The following LTBP1 variants were observed in gnomAD, a reference collection of about 807,000 sequenced individuals.
LTBP1 encodes the protein latent-transforming growth factor beta-binding protein 1.
A neutral mutation model predicts 207.6 loss-of-function variants in LTBP1; 129 were observed. The ratio of observed to expected loss-of-function variants is 0.62; its 90% CI spans 0.54 to 0.72. The LOEUF (loss-of-function observed/expected upper bound fraction) is 0.72, where lower values mean the gene tolerates loss of function less well. Among genes scored for constraint, LTBP1 ranks in the 30% least tolerant of loss-of-function variants. The pLI is 0.00. For missense variants in LTBP1, 2,281 were observed against 2,217.2 expected (o/e 1.03, Z -0.58); for synonymous variants, 963 against 833.7 (o/e 1.16, Z -2.67).
chr2:33,356,405 C>T (rs547589747), intron 26 of LTBP1, among the ~76,000 whole-genome samples: 4 of 152,236 alleles, frequency 2.6e-5, no homozygotes, highest in East Asian at 3.9e-4. Flanking sequence ...GTCTGCCGGG[C>T]GAGGTGACTC....
At chr2:33,128,873 T>C (rs913550056) in intron 4 of LTBP1, among the ~76,000 whole-genome samples, 2 of 152,256 alleles carry the variant, frequency 1.3e-5, no homozygotes, top group African/African-American at 4.8e-5. Context: ...TCTTCAACTC[T>C]CAGTCACAGC....
chr2:33,115,927 C>T (rs749325041), intron 4 of LTBP1, among the ~76,000 whole-genome samples: 19 of 152,088 alleles, frequency 1.2e-4, no homozygotes, highest in East Asian at 3.9e-4. Flanking sequence ...TATGTGCTGA[C>T]GTAGTAAAAA....
At chr2:33,361,611 TTTAG>T in intron 28 of LTBP1, 96 bp downstream of exon 28, 1 of 848,158 alleles carries the variant, frequency 1.2e-6, no homozygotes, top group Non-Finnish European at 1.9e-6. Flanking sequence ...TAGAGTTCTT[TTTAG>T]TCATGAAAAC....
At position 33,315,180 on chromosome 2, in the gene LTBP1, C is replaced by T. The variant is rs760890177; in HGVS notation, c.3641C>T (p.Pro1214Leu). ...TGTGAACATCCAGGGCTCTGTGGTC[C>T]GCAAGGGGAGTGCCTAAACACAGAG... Reference protein sequence around the residue: ...NECEHPGLCGPQGECLNTEGS... With the variant: ...NECEHPGLCGLQGECLNTEGS... Residue 1214 changes from proline to leucine, a missense_variant, in exon 24 of 34, where the codon CCG (proline) becomes CTG (leucine). Coordinates refer to ENST00000404816, the MANE Select transcript of LTBP1 (RefSeq NM_206943.4). 1.9e-5 allele frequency: 31 copies of T among 1,611,650 alleles called. 1 individual carries two copies. The South Asian group carries it at 2.8e-4, about 14-fold the overall frequency.
intron 20 of LTBP1, 123 bp from the exon 21 acceptor site, chr2:33,300,328 G>A (rs2093962427): frequency 7.0e-6 from 6 of 851,756 alleles, no homozygotes; most frequent in African/African-American, 1.7e-5. Context: ...ACTAAAGTGT[G>A]TAGTGCCAGA....
chr2:33,388,851 T>TCCTTCC (rs2095290193), intron 31 of LTBP1, among the ~76,000 whole-genome samples: 2 of 152,208 alleles, frequency 1.3e-5, no homozygotes, highest in Non-Finnish European at 2.9e-5. Flanking sequence ...TGGCTTTAGA[T>TCCTTCC]AAAGCCATCC....
At position 33,398,562 on chromosome 2, in the gene LTBP1, C is replaced by T; in HGVS notation, c.*17C>T. 4 of 1,610,730 alleles carry T rather than the reference C, an allele frequency of 2.5e-6. No individual in the cohort carries two copies. The highest frequency in any genetic ancestry group is 3.4e-6 in the Non-Finnish European group (4 of 1,178,060). Reference sequence around the variant, plus strand: ...CTGGAGTGAAACAGAATCTACATAACCTAAGCCCATATACTCTGCACTGTG... The same window carrying T: ...CTGGAGTGAAACAGAATCTACATAATCTAAGCCCATATACTCTGCACTGTG... On this transcript the variant is annotated 3_prime_UTR_variant, in exon 34 of 34. Coordinates refer to ENST00000404816, the MANE Select transcript of LTBP1 (RefSeq NM_206943.4).
intron 3 of LTBP1, among the ~76,000 whole-genome samples, chr2:33,064,308 A>G (rs1286375273): frequency 6.6e-6 from 1 of 152,236 alleles, no homozygotes; most frequent in Non-Finnish European, 1.5e-5. Context: ...CCTCAAACTC[A>G]TATTGTCAAG....
chr2:33,193,818 C>CT (rs1383267442), intron 7 of LTBP1, among the ~76,000 whole-genome samples: 1 of 152,134 alleles, frequency 6.6e-6, no homozygotes, highest in Admixed American at 6.5e-5. Flanking sequence ...TGTGTATTCT[C>CT]TGACTGCTCT....
intron 31 of LTBP1, among the ~76,000 whole-genome samples, chr2:33,373,176 A>G (rs1445192568): frequency 6.6e-6 from 1 of 152,226 alleles, no homozygotes; most frequent in Non-Finnish European, 1.5e-5. Flanking sequence ...ACTACAGCAC[A>G]GGTAATTTCT....
intron 32 of LTBP1, among the ~76,000 whole-genome samples, chr2:33,390,602 C>G (rs1259206216): frequency 6.6e-6 from 1 of 152,056 alleles, no homozygotes; most frequent in Non-Finnish European, 1.5e-5. Flanking sequence ...ATCCTCCCAC[C>G]CCAGTCTCCC....
At chr2:33,171,288 A>G (rs1458407071) in intron 5 of LTBP1, among the ~76,000 whole-genome samples, 3 of 133,826 alleles carry the variant, frequency 2.2e-5, no homozygotes, top group Non-Finnish European at 4.9e-5. Flanking sequence ...TATAACTAGA[A>G]TAACCAATAC....
At chr2:33,019,234 A>C (rs551479497) in intron 2 of LTBP1, among the ~76,000 whole-genome samples, 1 of 152,026 alleles carries the variant, frequency 6.6e-6, no homozygotes, top group East Asian at 1.9e-4. Context: ...AGCATAGTAA[A>C]TGTATTTGAA....
intron 31 of LTBP1, among the ~76,000 whole-genome samples, chr2:33,382,535 C>G (rs1270712762): frequency 6.6e-6 from 1 of 152,180 alleles, no homozygotes; most frequent in African/African-American, 2.4e-5. Flanking sequence ...TCCAGGATGA[C>G]TTTAGTCATC....
At chr2:33,359,321 G>T (rs548889068) in intron 26 of LTBP1, among the ~76,000 whole-genome samples, 48 of 152,232 alleles carry the variant, frequency 3.2e-4, no homozygotes, top group Non-Finnish European at 1.0e-4. Context: ...TTTTCGGATA[G>T]AATTTTATGA....
chr2:33,120,761 A>G (rs2081059680), intron 4 of LTBP1, among the ~76,000 whole-genome samples: 2 of 152,276 alleles, frequency 1.3e-5, no homozygotes, highest in South Asian at 4.1e-4. Context: ...TCTTTGAGGA[A>G]TTGCCAAACT....
chr2:33,262,759 A>C lies in LTBP1; in HGVS notation c.2456A>C (p.Glu819Ala). 1 of 1,606,048 alleles carries C rather than the reference A, an allele frequency of 6.2e-7. No homozygotes were observed. Among genetic ancestry groups the C allele is most frequent in the Admixed American group, 1.7e-5 (1 of 59,530 alleles). Residue 819 changes from glutamate to alanine, a missense_variant, in exon 14 of 34, where the codon GAG (glutamate) becomes GCG (alanine). Around this residue, in one of 3 missense-constraint regions of LTBP1, gnomAD observed 1,671 missense variants for 1,634.8 expected, o/e 1.02. Transcript: ENST00000404816. ...TTGGATCAAGAGAAAACCAAACTTG[A>C]GCCTGGTCAACCCCAGCTGTCTCCA... is the stretch of plus-strand genomic sequence containing the variant. ...PSLDQEKTKLEPGQPQLSPGI... is the reference protein window; with the variant it reads ...PSLDQEKTKLAPGQPQLSPGI...
At chr2:32,983,983 A>AT (rs1429269179) in intron 2 of LTBP1, among the ~76,000 whole-genome samples, 1 of 152,158 alleles carries the variant, frequency 6.6e-6, no homozygotes, top group Non-Finnish European at 1.5e-5. Flanking sequence ...GTACTGCATA[A>AT]TTTTCATCTA....
intron 2 of LTBP1, among the ~76,000 whole-genome samples, chr2:32,974,673 T>G (rs576978511): frequency 6.6e-6 from 1 of 152,216 alleles, no homozygotes; most frequent in Non-Finnish European, 1.5e-5. Flanking sequence ...AAAGTCTGTT[T>G]TGTTTAAAAT....
Sources: allele counts gnomAD v4.1 joint callset (sites outside exome capture counted in the v4.1 genomes callset), GRCh38; gene constraint gnomAD v4.1.1; regional missense constraint gnomAD v4.1.1; transcripts MANE v1.5; gene names NCBI Gene and HGNC (gene_info 2026-07-23, HGNC 2026-07-21).